FAT3: variants seen among roughly 807,000 people sequenced by gnomAD.
The protein encoded by FAT3 is protocadherin Fat 3.
FAT3 carries 95 observed loss-of-function variants against 310.2 expected under a neutral mutation model. That is an observed-to-expected ratio of 0.31 (90% CI 0.26 to 0.36). The LOEUF (loss-of-function observed/expected upper bound fraction) is 0.36, where lower values mean the gene tolerates loss of function less well. Among genes scored for constraint, FAT3 ranks in the 10% least tolerant of loss-of-function variants. The probability of loss-of-function intolerance (pLI) is 1.00; values close to 1 mark genes in which losing one functional copy is unlikely to be tolerated. For missense variants in FAT3, 5,408 were observed against 5,715.6 expected (o/e 0.95, Z 1.74); for synonymous variants, 2,314 against 2,192.9 (o/e 1.06, Z -1.54).
intron 1 of FAT3, among the ~76,000 whole-genome samples, chr11:92,325,546 C>G (rs1947740922): frequency 6.6e-6 from 1 of 152,116 alleles, no homozygotes; most frequent in Non-Finnish European, 1.5e-5. Flanking sequence ...TACTTTAGCC[C>G]TCATTTGACG....
chr11:92,587,720 G>GTAAGA (rs1939224999), intron 3 of FAT3, among the ~76,000 whole-genome samples: 1 of 151,932 alleles, frequency 6.6e-6, no homozygotes, highest in South Asian at 2.1e-4. Flanking sequence ...ATATGGAATT[G>GTAAGA]TAAGTGCTGG....
intron 19 of FAT3, among the ~76,000 whole-genome samples, chr11:92,846,451 G>C (rs1377575402): frequency 6.6e-6 from 1 of 152,180 alleles, no homozygotes; most frequent in Non-Finnish European, 1.5e-5. Context: ...TATGGTCAAA[G>C]GAAAGCTGTC....
chr11:92,631,023 C>T (rs1941539345), intron 3 of FAT3, among the ~76,000 whole-genome samples: 1 of 152,186 alleles, frequency 6.6e-6, no homozygotes, highest in Non-Finnish European at 1.5e-5. Flanking sequence ...GAATTGCCAG[C>T]AACCATATTG....
intron 2 of FAT3, among the ~76,000 whole-genome samples, chr11:92,480,863 A>T (rs1427658138): frequency 1.3e-5 from 2 of 152,178 alleles, no homozygotes; most frequent in Non-Finnish European, 2.9e-5. Flanking sequence ...GATTTCATGA[A>T]TGGGACAGTA....
intron 3 of FAT3, among the ~76,000 whole-genome samples, chr11:92,621,578 C>T (rs1056028902): frequency 1.3e-5 from 2 of 152,192 alleles, no homozygotes; most frequent in Admixed American, 1.3e-4. Context: ...CCAAATGCTG[C>T]TGCAACATCA....
chr11:92,706,619 A>G (rs1301446675), intron 4 of FAT3, among the ~76,000 whole-genome samples: 1 of 152,208 alleles, frequency 6.6e-6, no homozygotes, highest in Non-Finnish European at 1.5e-5. Flanking sequence ...CTGTCAGCCA[A>G]CGAACCCCTG....
chr11:92,583,937 T>G (rs1938986231), intron 3 of FAT3, among the ~76,000 whole-genome samples: 1 of 152,060 alleles, frequency 6.6e-6, no homozygotes, highest in South Asian at 2.1e-4. Flanking sequence ...ATCTTAAATT[T>G]CTTTTGGTAC....
chr11:92,410,850 T>A (rs1271031411), intron 2 of FAT3, among the ~76,000 whole-genome samples: 3 of 151,688 alleles, frequency 2.0e-5, no homozygotes, highest in Non-Finnish European at 4.4e-5. Context: ...TCTTGGAATA[T>A]AATCTTGGGG....
intron 3 of FAT3, among the ~76,000 whole-genome samples, chr11:92,616,401 G>T (rs937227442): frequency 6.6e-6 from 1 of 151,898 alleles, no homozygotes; most frequent in Admixed American, 6.6e-5. Context: ...TCCTGAATAC[G>T]GGACACTGAT....
chr11:92,867,868 T>G (rs1949288342), intron 22 of FAT3, among the ~76,000 whole-genome samples: 1 of 151,956 alleles, frequency 6.6e-6, no homozygotes, highest in South Asian at 2.1e-4. Flanking sequence ...ACTCTAATAT[T>G]TTTTTCCCAC....
At chr11:92,645,660 A>G (rs1006881709) in intron 3 of FAT3, among the ~76,000 whole-genome samples, 2 of 152,138 alleles carry the variant, frequency 1.3e-5, no homozygotes, top group Non-Finnish European at 1.5e-5. Flanking sequence ...TAAAGTTGGG[A>G]ATGACACATT....
intron 4 of FAT3, among the ~76,000 whole-genome samples, chr11:92,742,734 A>C (rs1945543152): frequency 6.6e-6 from 1 of 152,182 alleles, no homozygotes; most frequent in Non-Finnish European, 1.5e-5. Context: ...TTGATGTTGG[A>C]CTTCCCAGGC....
rs2136445947 is a variant in FAT3 at position 92,890,746 on chromosome 11, C to A, written c.13403C>A (p.Pro4468His). ...CCAGACCAATATGAGGCCCTGCCACCCTCCCAGCCTGTCTCCCTGGCCAGC... is the reference window on the plus strand; with the variant it reads ...CCAGACCAATATGAGGCCCTGCCACACTCCCAGCCTGTCTCCCTGGCCAGC... ...DFPDQYEALPPSQPVSLASTL... is the reference protein window; with the variant it reads ...DFPDQYEALPHSQPVSLASTL... Residue 4468 changes from proline to histidine, a missense_variant, in exon 28 of 28, where the codon CCC becomes CAC. Pro to His is a moderately conservative substitution (Grantham distance 77). Transcript: ENST00000525166. The A allele has an allele frequency of 6.2e-7, 1 of 1,613,794 alleles. No individual in the cohort carries two copies. The highest frequency in any genetic ancestry group is 1.1e-5 in the South Asian group (1 of 91,050).
At chr11:92,543,355 G>T (rs769365713) in intron 3 of FAT3, among the ~76,000 whole-genome samples, 48 of 152,218 alleles carry the variant, frequency 3.2e-4, no homozygotes, top group Middle Eastern at 3.4e-3. Flanking sequence ...ACACAAAAAA[G>T]GTAAGTATAT....
chr11:92,302,422 T>C (rs905786978), intron 1 of FAT3, among the ~76,000 whole-genome samples: 1 of 152,142 alleles, frequency 6.6e-6, no homozygotes, highest in African/African-American at 2.4e-5. Flanking sequence ...TTTCCTTTTT[T>C]TCTCATGTTA....
At chr11:92,298,790 A>C (rs1028018300) in intron 1 of FAT3, among the ~76,000 whole-genome samples, 9 of 152,130 alleles carry the variant, frequency 5.9e-5, no homozygotes, top group Non-Finnish European at 1.2e-4. Context: ...ACTTGTCAGC[A>C]TATGAGTGAG....
At chr11:92,613,837 A>G (rs1339111606) in intron 3 of FAT3, among the ~76,000 whole-genome samples, 1 of 152,162 alleles carries the variant, frequency 6.6e-6, no homozygotes, top group Non-Finnish European at 1.5e-5. Context: ...ATCTGTCACC[A>G]CAATTTTAGG....
chr11:92,715,259 A>T (rs1203821876), intron 4 of FAT3, among the ~76,000 whole-genome samples: 1 of 149,532 alleles, frequency 6.7e-6, no homozygotes, highest in African/African-American at 2.5e-5. Context: ...AAAAAAAAAA[A>T]TAGCTGGGTG....
intron 1 of FAT3, among the ~76,000 whole-genome samples, chr11:92,312,431 T>G (rs939127122): frequency 2.0e-5 from 3 of 152,178 alleles, no homozygotes; most frequent in African/African-American, 7.2e-5. Context: ...AAATGGGGCT[T>G]CTTTTGCAGA....
Sources: gnomAD v4.1 joint callset for allele counts (sites outside exome capture counted in the v4.1 genomes callset) on GRCh38, gnomAD v4.1.1 for gene constraint, MANE v1.5 for transcripts, NCBI Gene and HGNC (gene_info 2026-07-23, HGNC 2026-07-21) for gene names.